Variants in LCORL observed in about 807,000 individuals in gnomAD.
The protein encoded by LCORL is ligand-dependent nuclear receptor corepressor-like protein.
Under a neutral mutation model 141.8 loss-of-function variants are expected in LCORL, and 41 were observed. The ratio of observed to expected loss-of-function variants is 0.29; its 90% confidence interval spans 0.23 to 0.38. The LOEUF is 0.38. Ranked by LOEUF, LCORL falls within the 10% of genes least tolerant of loss-of-function variation. The probability of loss-of-function intolerance (pLI) is 1.00; values close to 1 mark genes in which losing one functional copy is unlikely to be tolerated. For missense variants in LCORL, 1,759 were observed against 2,035.0 expected (o/e 0.86, Z 2.61); for synonymous variants, 618 against 694.1 (o/e 0.89, Z 1.72).
chr4:17,992,344 T>A (rs1203064597), intron 1 of LCORL, among the ~76,000 whole-genome samples: 4 of 152,178 alleles, frequency 2.6e-5, no homozygotes, highest in South Asian at 2.1e-4. Flanking sequence ...GCCCCCATGA[T>A]CTAATCACCT....
chr4:18,007,827 T>C (rs955463006), intron 1 of LCORL, among the ~76,000 whole-genome samples: 57 of 152,184 alleles, frequency 3.7e-4, no homozygotes, highest in Non-Finnish European at 2.2e-4. Context: ...AGTGAAAAGT[T>C]AGACAAGCAA....
At chr4:17,995,618 G>A (rs1408943815) in intron 1 of LCORL, among the ~76,000 whole-genome samples, 1 of 152,084 alleles carries the variant, frequency 6.6e-6, no homozygotes, top group Non-Finnish European at 1.5e-5. Context: ...AAGAATTACT[G>A]AGGAATAAAT....
At chr4:17,931,880 T>C (rs906734892) in intron 4 of LCORL, among the ~76,000 whole-genome samples, 4 of 152,160 alleles carry the variant, frequency 2.6e-5, no homozygotes, top group Non-Finnish European at 5.9e-5. Flanking sequence ...TCACATATCT[T>C]GGACTAAAAG....
intron 4 of LCORL, among the ~76,000 whole-genome samples, chr4:17,942,991 C>CA (rs1738219522): frequency 1.3e-5 from 2 of 152,134 alleles, no homozygotes; most frequent in African/African-American, 4.8e-5. Flanking sequence ...AGAATCTAAC[C>CA]AATGCCTGAT....
chr4:17,992,352 C>T (rs1720175913), intron 1 of LCORL, among the ~76,000 whole-genome samples: 1 of 152,176 alleles, frequency 6.6e-6, no homozygotes, highest in East Asian at 1.9e-4. Flanking sequence ...GATCTAATCA[C>T]CTCCCACAAG....
rs1725594456 is a variant in LCORL at position 18,021,583 on chromosome 4, C to A, written c.154+15G>T. On this transcript the variant is annotated intron_variant, in intron 1 of 7. Coordinates refer to ENST00000635767, the Ensembl canonical transcript of LCORL. This position sits in a 1 kb window ranked among gnomAD's most constrained non-coding sequence, Gnocchi z 5.5. ...GCCGCGCGGAGCCCGGGGCCCCGGC[C>A]CGCGTCTCTCTTACCTACACAGTGC... The A allele has an allele frequency of 2.6e-6, 4 of 1,516,260 alleles. No individual in the cohort carries two copies. The highest frequency in any genetic ancestry group is 3.5e-6 in the Non-Finnish European group (4 of 1,133,264). The allele number at this position is 1,516,260 out of a possible 1,614,324, so 93.9% of individuals were successfully genotyped here. A position where few individuals can be genotyped will look rare whatever the true frequency, so the allele number is the denominator to read the frequency against.
At chr4:17,940,312 C>A (rs1737722372) in intron 4 of LCORL, among the ~76,000 whole-genome samples, 1 of 148,534 alleles carries the variant, frequency 6.7e-6, no homozygotes, top group African/African-American at 2.4e-5. Context: ...GAATTCTTAA[C>A]TATTTTGTGC....
At chr4:17,997,234 GC>G (rs1721054994) in intron 1 of LCORL, among the ~76,000 whole-genome samples, 1 of 152,072 alleles carries the variant, frequency 6.6e-6, no homozygotes, top group Non-Finnish European at 1.5e-5. Context: ...ATGTCTCAAC[GC>G]CTTCTCCAAT....
In LCORL at chr4:18,021,580, G is replaced by A. The variant is rs1343751416; in HGVS notation, c.154+18C>T. On this transcript the variant is annotated intron_variant, in intron 1 of 7. Coordinates refer to ENST00000635767, the Ensembl canonical transcript of LCORL. The surrounding 1 kb of genome is among the most constrained non-coding windows in gnomAD (Gnocchi z 5.5). The stretch of plus-strand genomic sequence containing the variant: ...GTCGCCGCGCGGAGCCCGGGGCCCC[G>A]GCCCGCGTCTCTCTTACCTACACAG... 1.1e-5 allele frequency: 16 copies of A among 1,513,174 alleles called. No individual in the cohort carries two copies. Among genetic ancestry groups the A allele is most frequent in the Non-Finnish European group, 1.3e-5 (15 of 1,131,838 alleles). 93.7% of individuals were successfully genotyped at this position (1,513,174 alleles called of 1,614,324 possible). A position where few individuals can be genotyped will look rare whatever the true frequency, so the allele number is the denominator to read the frequency against.
At chr4:17,921,635 T>C (rs1734319609) in intron 4 of LCORL, among the ~76,000 whole-genome samples, 1 of 152,104 alleles carries the variant, frequency 6.6e-6, no homozygotes, top group African/African-American at 2.4e-5. Context: ...TTCTGAGTGG[T>C]AGGTCTCAAC....
intron 4 of LCORL, among the ~76,000 whole-genome samples, chr4:17,910,955 G>C (rs539955718): frequency 2.6e-5 from 4 of 152,328 alleles, no homozygotes; most frequent in African/African-American, 9.6e-5. Flanking sequence ...TGATAGGAAA[G>C]AGGGACACTA....
chr4:17,996,207 T>G (rs762540090), intron 1 of LCORL, among the ~76,000 whole-genome samples: 2 of 152,042 alleles, frequency 1.3e-5, no homozygotes, highest in African/African-American at 2.4e-5. Flanking sequence ...TCCCTTTATC[T>G]TTTACCAGCT....
At chr4:17,978,239 C>A (rs1396344988) in intron 1 of LCORL, among the ~76,000 whole-genome samples, 1 of 152,126 alleles carries the variant, frequency 6.6e-6, no homozygotes, top group Non-Finnish European at 1.5e-5. Context: ...CTGGGTTCCC[C>A]ATTTTTTAAA....
At chr4:17,864,661 A>G (rs541765324) in intron 7 of LCORL, among the ~76,000 whole-genome samples, 14 of 152,254 alleles carry the variant, frequency 9.2e-5, no homozygotes, top group Non-Finnish European at 1.9e-4. Context: ...GTTAATGGTG[A>G]CATTAAATGT....
At chr4:17,913,092 C>A (rs1732838193) in intron 4 of LCORL, 1 of 207,306 alleles carries the variant, frequency 4.8e-6, no homozygotes, top group Non-Finnish European at 9.7e-6. Flanking sequence ...ATAAAGCCTG[C>A]AGTGACGGAA....
chr4:17,847,181 T>C (rs1162970009), intron 7 of LCORL, among the ~76,000 whole-genome samples: 1 of 152,220 alleles, frequency 6.6e-6, no homozygotes, highest in Non-Finnish European at 1.5e-5. Context: ...GTTTATAAAC[T>C]ATTCAACAGC....
Position 17,872,183 on chromosome 4 carries a change from G to A in LCORL, c.5602+1205C>T, listed in dbSNP as rs577455094. Among the ~76,000 whole-genome samples the A allele has an allele frequency of 5.6e-4, 84 of 150,586 alleles. 1 individual carries two copies. The highest frequency in any genetic ancestry group is 7.8e-4 in the Non-Finnish European group (53 of 67,796). On this transcript the variant is annotated intron_variant, in intron 7 of 7. Transcript: ENST00000635767. ...TTTCCAAATGTAAAATTTCTTTCATGTTAAGCAAGTAATCAATAAGTACTT... is the reference window on the plus strand; with the variant it reads ...TTTCCAAATGTAAAATTTCTTTCATATTAAGCAAGTAATCAATAAGTACTT...
rs116893275 is a variant in LCORL at position 17,866,241 on chromosome 4, C to A, written c.5602+7147G>T. 1.5e-4 allele frequency among the ~76,000 whole-genome samples: 23 copies of A among 152,310 alleles called. No homozygotes were observed. In the East Asian group the frequency reaches 4.1e-3, roughly 27 times the overall value. The stretch of plus-strand genomic sequence containing the variant: ...ACTTGGCCTAGTTAATTCCTCCTCA[C>A]CCTTCACAGCTTAGCTTAATGGCCA... On this transcript the variant is annotated intron_variant, in intron 7 of 7. Coordinates refer to ENST00000635767, the Ensembl canonical transcript of LCORL.
At chr4:17,946,054 C>A (rs372695017) in intron 4 of LCORL, among the ~76,000 whole-genome samples, 6 of 151,910 alleles carry the variant, frequency 3.9e-5, no homozygotes, top group South Asian at 2.1e-4. Flanking sequence ...CTTGTTTCCA[C>A]GGCATCCTCT....
Sources: gnomAD v4.1 joint callset for allele counts (sites outside exome capture counted in the v4.1 genomes callset) on GRCh38, gnomAD v4.1.1 for gene constraint, Gnocchi (gnomAD v3.1) non-coding constraint, MANE v1.5 for transcripts, NCBI Gene and HGNC (gene_info 2026-07-23, HGNC 2026-07-21) for gene names.